The following TMEM132D variants were observed in gnomAD, a reference collection of about 807,000 sequenced individuals.
The protein encoded by TMEM132D is mature OL transmembrane protein.
TMEM132D carries 21 observed loss-of-function variants against 62.3 expected under a neutral mutation model. That is an observed-to-expected ratio of 0.34 (90% confidence interval 0.24 to 0.49). The LOEUF is 0.49. Ranked by LOEUF, TMEM132D falls within the 20% of genes least tolerant of loss-of-function variation. The probability of loss-of-function intolerance (pLI) is 0.99; values close to 1 mark genes in which losing one functional copy is unlikely to be tolerated. For missense variants in TMEM132D, 1,346 were observed against 1,402.8 expected (o/e 0.96, Z 0.65); for synonymous variants, 621 against 575.6 (o/e 1.08, Z -1.13).
chr12:129,691,541 T>G (rs1881060966), intron 2 of TMEM132D, among the ~76,000 whole-genome samples: 1 of 152,098 alleles, frequency 6.6e-6, no homozygotes, highest in Non-Finnish European at 1.5e-5. Context: ...TTTTCTTCTT[T>G]GAGATATATT....
At chr12:129,441,761 T>G (rs1381891430) in intron 3 of TMEM132D, among the ~76,000 whole-genome samples, 1 of 151,922 alleles carries the variant, frequency 6.6e-6, no homozygotes, top group African/African-American at 2.4e-5. Context: ...GTGGAGTAAA[T>G]AAAGAAAATG....
At chr12:129,137,310 C>CCATCAT (rs1219878566) in intron 5 of TMEM132D, among the ~76,000 whole-genome samples, 1 of 152,020 alleles carries the variant, frequency 6.6e-6, no homozygotes, top group Non-Finnish European at 1.5e-5. Context: ...ATCACCATCA[C>CCATCAT]CATCATCATC....
At chr12:129,406,187 TAC>T (rs1489966053) in intron 3 of TMEM132D, among the ~76,000 whole-genome samples, 5 of 152,246 alleles carry the variant, frequency 3.3e-5, no homozygotes, top group Non-Finnish European at 5.9e-5. Flanking sequence ...CACGTTTGTA[TAC>T]ATTCACCAAG....
chr12:129,527,985 A>G (rs1036184878), intron 3 of TMEM132D, among the ~76,000 whole-genome samples: 1 of 151,558 alleles, frequency 6.6e-6, no homozygotes, highest in African/African-American at 2.4e-5. Flanking sequence ...TGTCACAGTG[A>G]CTTAACTTCA....
chr12:129,433,928 T>C (rs1047780734), intron 3 of TMEM132D, among the ~76,000 whole-genome samples: 4 of 152,314 alleles, frequency 2.6e-5, no homozygotes, highest in Admixed American at 6.5e-5. Flanking sequence ...AGAAATTAAT[T>C]TGAGTTGCAG....
chr12:129,405,945 G>C (rs1370841358), intron 3 of TMEM132D, among the ~76,000 whole-genome samples: 1 of 152,070 alleles, frequency 6.6e-6, no homozygotes, highest in Admixed American at 6.5e-5. Flanking sequence ...TCATTTTTTA[G>C]ATAATAGCAT....
At chr12:129,533,324 TCCTG>T (rs1286533286) in intron 2 of TMEM132D, among the ~76,000 whole-genome samples, 1 of 152,324 alleles carries the variant, frequency 6.6e-6, no homozygotes, top group East Asian at 1.9e-4. Flanking sequence ...TAGTTAGGAT[TCCTG>T]CCTTGCAGAA....
intron 2 of TMEM132D, among the ~76,000 whole-genome samples, chr12:129,583,095 A>C (rs1002417042): frequency 6.6e-5 from 10 of 152,212 alleles, no homozygotes; most frequent in African/African-American, 2.4e-4. Context: ...GGCGTGAGCC[A>C]CTGTGCCCAG....
At chr12:129,678,128 G>A (rs1431254397) in intron 2 of TMEM132D, among the ~76,000 whole-genome samples, 2 of 150,402 alleles carry the variant, frequency 1.3e-5, no homozygotes, top group Non-Finnish European at 3.0e-5. Context: ...GTGCTTCTAC[G>A]AATATTTAAG....
At chr12:129,219,543 A>C (rs1253297382) in intron 4 of TMEM132D, among the ~76,000 whole-genome samples, 1 of 152,218 alleles carries the variant, frequency 6.6e-6, no homozygotes, top group Non-Finnish European at 1.5e-5. Context: ...AAATGGACTC[A>C]GTTGCTCCCA....
intron 4 of TMEM132D, 198 bp from the exon 5 acceptor site, chr12:129,209,861 C>A: frequency 1.5e-6 from 1 of 665,288 alleles, no homozygotes; most frequent in Non-Finnish European, 2.5e-6. Flanking sequence ...CAGATTTCCA[C>A]AGGGCAACTA....
At chr12:129,163,439 C>T (rs1051201670) in intron 5 of TMEM132D, among the ~76,000 whole-genome samples, 1 of 152,156 alleles carries the variant, frequency 6.6e-6, no homozygotes, top group African/African-American at 2.4e-5. Flanking sequence ...TTCTATGGGT[C>T]GAATCACCAG....
intron 2 of TMEM132D, among the ~76,000 whole-genome samples, chr12:129,628,067 C>G (rs973273146): frequency 1.3e-5 from 2 of 152,124 alleles, no homozygotes; most frequent in African/African-American, 4.8e-5. Context: ...TGTTTTAAGA[C>G]TAAATTGTAA....
chr12:129,616,168 C>G (rs1031149710), intron 2 of TMEM132D, among the ~76,000 whole-genome samples: 6 of 152,170 alleles, frequency 3.9e-5, no homozygotes, highest in African/African-American at 1.4e-4. Context: ...GGATAGATGC[C>G]ATAATGCCAG....
Position 129,815,876 on chromosome 12 carries a change from C to T in TMEM132D, c.79+87385G>A, listed in dbSNP as rs12299455. 4.4e-3 allele frequency among the ~76,000 whole-genome samples: 677 copies of T among 152,306 alleles called. 4 individuals carry two copies. The highest frequency in any genetic ancestry group is 0.015 in the African/African-American group (612 of 41,564). ...TGGACAAATGTCACGACTGAATACT[C>T]GTATGAATTCAATGTAAGTGAAGGA... On this transcript the variant is annotated intron_variant, in intron 1 of 8. Coordinates refer to ENST00000422113, the MANE Select transcript of TMEM132D (RefSeq NM_133448.3).
intron 3 of TMEM132D, among the ~76,000 whole-genome samples, chr12:129,380,545 T>C (rs142417496): frequency 7.0e-6 from 1 of 142,070 alleles, no homozygotes; most frequent in Non-Finnish European, 1.5e-5. Context: ...TTCTCGGTTT[T>C]ACTTGCAGAC....
chr12:129,459,288 A>G (rs1242647200), intron 3 of TMEM132D, among the ~76,000 whole-genome samples: 1 of 152,318 alleles, frequency 6.6e-6, no homozygotes, highest in Non-Finnish European at 1.5e-5. Flanking sequence ...TGCAGTCTTC[A>G]GGTTTAGAAA....
intron 3 of TMEM132D, among the ~76,000 whole-genome samples, chr12:129,452,128 A>G (rs1045779528): frequency 3.3e-5 from 5 of 152,208 alleles, no homozygotes; most frequent in African/African-American, 1.2e-4. Context: ...GAATCATGAT[A>G]GATGATACCT....
At chr12:129,566,957 G>A (rs1325978884) in intron 2 of TMEM132D, among the ~76,000 whole-genome samples, 1 of 152,150 alleles carries the variant, frequency 6.6e-6, no homozygotes, top group African/African-American at 2.4e-5. Context: ...GCTTCAAGTT[G>A]TTCCGCCTTT....
Sources: allele counts gnomAD v4.1 joint callset (sites outside exome capture counted in the v4.1 genomes callset), GRCh38; gene constraint gnomAD v4.1.1; transcripts MANE v1.5; gene names NCBI Gene and HGNC (gene_info 2026-07-23, HGNC 2026-07-21).